RTN1: variants seen among roughly 807,000 people sequenced by gnomAD.
The protein encoded by RTN1 is reticulon-1.
Under a neutral mutation model 65.5 loss-of-function variants are expected in RTN1, and 25 were observed. The observed-to-expected ratio is 0.38, with a 90% CI of 0.28 to 0.53. The LOEUF (loss-of-function observed/expected upper bound fraction) is 0.53. Among genes scored for constraint, RTN1 ranks in the 20% least tolerant of loss-of-function variants. The pLI is 0.79. For synonymous variants in RTN1, 471 were observed against 447.6 expected (o/e 1.05, Z -0.66); for missense variants, 983 against 1,025.4 (o/e 0.96, Z 0.57).
At chr14:59,659,945 C>T (rs956892967) in intron 3 of RTN1, among the ~76,000 whole-genome samples, 5 of 147,734 alleles carry the variant, frequency 3.4e-5, no homozygotes, top group Non-Finnish European at 7.4e-5. Flanking sequence ...CACAGACTGG[C>T]AAATTGGATA....
chr14:59,604,017 G>C, intron 5 of RTN1, 96 bp from the exon 6 acceptor site: 1 of 869,306 alleles, frequency 1.2e-6, no homozygotes, highest in East Asian at 2.6e-5. Flanking sequence ...ATTTGAGTCA[G>C]AATACATCAT....
rs116190136 is a variant in RTN1 at position 59,722,753 on chromosome 14, G to A, written c.1765+4166C>T. ...AAACAATACAAAGGCCTGTAGTGAC[G>A]TGTGAGAATTAGGGATGGGAGGGTT... On this transcript the variant is annotated intron_variant, in intron 3 of 8. Coordinates refer to ENST00000267484, the MANE Select transcript of RTN1 (RefSeq NM_021136.3). Among the ~76,000 whole-genome samples, 454 of 149,782 alleles carry A rather than the reference G, an allele frequency of 3.0e-3. 1 individual carries two copies. Among genetic ancestry groups the A allele is most frequent in the African/African-American group, 0.01 (422 of 41,006 alleles).
chr14:59,645,533 G>A (rs1882875781), intron 3 of RTN1, among the ~76,000 whole-genome samples: 1 of 152,116 alleles, frequency 6.6e-6, no homozygotes, highest in Non-Finnish European at 1.5e-5. Context: ...CCCCACTGGA[G>A]CTATTGAGCC....
intron 3 of RTN1, 37 bp downstream of exon 3, chr14:59,726,882 G>A (rs1328473174): frequency 6.4e-7 from 1 of 1,563,210 alleles, no homozygotes. Context: ...CCCAGAGGGA[G>A]GACACTAACC....
intron 1 of RTN1, among the ~76,000 whole-genome samples, chr14:59,776,017 A>C (rs1952032): frequency 0.46 from 69,852 of 152,006 alleles, 17,890 homozygotes; most frequent in African/African-American, 0.69. Flanking sequence ...ATATTATAAT[A>C]AAGTTTAGGG....
rs958877029 is a variant in RTN1, at chr14:59,684,640, T to C, written c.1765+42279A>G. On this transcript the variant is annotated intron_variant, in intron 3 of 8. Coordinates refer to ENST00000267484, the MANE Select transcript of RTN1 (RefSeq NM_021136.3). ...CATATTCAGCTACTACAATTTCTTA[T>C]GTTTTATACTGTATTCCATCCTCTT... Among the ~76,000 whole-genome samples the C allele has an allele frequency of 5.3e-5, 8 of 152,116 alleles. No individual in the cohort carries two copies. In the East Asian group the frequency reaches 7.7e-4, roughly 15 times the overall value.
At chr14:59,709,078 A>G (rs1884360632) in intron 3 of RTN1, among the ~76,000 whole-genome samples, 1 of 152,174 alleles carries the variant, frequency 6.6e-6, no homozygotes, top group African/African-American at 2.4e-5. Flanking sequence ...GATGATGTTA[A>G]GTATTTGTTT....
chr14:59,699,634 A>C (rs2139446563), intron 3 of RTN1, among the ~76,000 whole-genome samples: 1 of 152,324 alleles, frequency 6.6e-6, no homozygotes, highest in Non-Finnish European at 1.5e-5. Flanking sequence ...AAAAAGGAGA[A>C]GTTTGAGGCC....
intron 1 of RTN1, among the ~76,000 whole-genome samples, chr14:59,787,406 G>A (rs1886268814): frequency 6.6e-6 from 1 of 152,178 alleles, no homozygotes; most frequent in Non-Finnish European, 1.5e-5. Flanking sequence ...AGTCTCATAG[G>A]TCCATGTGAG....
At chr14:59,701,299 T>A (rs1884172606) in intron 3 of RTN1, among the ~76,000 whole-genome samples, 1 of 152,196 alleles carries the variant, frequency 6.6e-6, no homozygotes. Flanking sequence ...TATCTTATTA[T>A]CCAGCAAGTT....
At chr14:59,819,413 CACCCCCCCCCCACCCCCCA>C (rs1566737474) in intron 1 of RTN1, among the ~76,000 whole-genome samples, 1,074 of 13,926 alleles carry the variant, frequency 0.077, 131 homozygotes, top group South Asian at 0.17. Flanking sequence ...ACACCACCAC[CACCCCCCCCCCACCCCCCA>C]CCCCCCCCCC....
intron 3 of RTN1, among the ~76,000 whole-genome samples, chr14:59,681,134 C>T (rs371116747): frequency 1.3e-5 from 2 of 152,192 alleles, no homozygotes; most frequent in East Asian, 3.9e-4. Context: ...CATCTAAGTG[C>T]TCATAAAACT....
At chr14:59,819,399 A>C in intron 1 of RTN1, among the ~76,000 whole-genome samples, 1 of 88,528 alleles carries the variant, frequency 1.1e-5, no homozygotes, top group Non-Finnish European at 2.1e-5. Flanking sequence ...TGATTGGTGC[A>C]TCCACACCAC....
chr14:59,848,623 G>A (rs772274807), intron 1 of RTN1, among the ~76,000 whole-genome samples: 7 of 152,138 alleles, frequency 4.6e-5, no homozygotes, highest in Non-Finnish European at 8.8e-5. Context: ...TGCTTCTAAA[G>A]GCTTTGAATA....
In RTN1 at chr14:59,803,751, A is replaced by G. The variant is rs1886588178; in HGVS notation, c.242-57270T>C. Among the ~76,000 whole-genome samples, 1 of 152,226 alleles carries G rather than the reference A, an allele frequency of 6.6e-6. No individual in the cohort carries two copies. The highest frequency in any genetic ancestry group is 2.1e-4 in the South Asian group (1 of 4,824). On this transcript the variant is annotated intron_variant, in intron 1 of 8. Coordinates refer to ENST00000267484, the MANE Select transcript of RTN1 (RefSeq NM_021136.3). This position sits in a 1 kb window ranked among gnomAD's most constrained non-coding sequence, Gnocchi z 5.6. ...CGCTACCTGTGACCTGAGGAAAAAC[A>G]GCAGCAAATAGCAAATGAGGCAGTA...
chr14:59,680,961 C>T (rs1013860273), intron 3 of RTN1, among the ~76,000 whole-genome samples: 1 of 151,906 alleles, frequency 6.6e-6, no homozygotes, highest in East Asian at 1.9e-4. Flanking sequence ...AACAAGTATA[C>T]AAAAATATGT....
intron 8 of RTN1, among the ~76,000 whole-genome samples, chr14:59,597,567 C>A (rs1043398855): frequency 6.6e-6 from 1 of 152,180 alleles, no homozygotes; most frequent in Admixed American, 6.5e-5. Flanking sequence ...CAGTGGTCAA[C>A]AAAAGGGAGG....
intron 1 of RTN1, among the ~76,000 whole-genome samples, chr14:59,823,483 G>T (rs1039033864): frequency 4.6e-5 from 7 of 152,064 alleles, no homozygotes; most frequent in African/African-American, 1.7e-4. Context: ...CCTCTTACAA[G>T]GCAGTTGTGT....
chr14:59,601,900 A>G (rs1222570992), intron 8 of RTN1, among the ~76,000 whole-genome samples: 1 of 152,182 alleles, frequency 6.6e-6, no homozygotes, highest in Non-Finnish European at 1.5e-5. Flanking sequence ...AATACAAAAT[A>G]AAATGATTAT....
Sources: gnomAD v4.1 joint callset for allele counts (sites outside exome capture counted in the v4.1 genomes callset) on GRCh38, gnomAD v4.1.1 for gene constraint, Gnocchi (gnomAD v3.1) non-coding constraint, MANE v1.5 for transcripts, NCBI Gene and HGNC (gene_info 2026-07-23, HGNC 2026-07-21) for gene names.